The following TAF1 variants were observed in gnomAD, a reference collection of about 807,000 sequenced individuals.
The protein encoded by TAF1 is transcription initiation factor TFIID subunit 1.
Under a neutral mutation model 138.5 loss-of-function variants are expected in TAF1, and 2 were observed. That is an observed-to-expected ratio of 0.01 (90% CI 0.01 to 0.05). TAF1 has a LOEUF of 0.05. Among genes scored for constraint, TAF1 ranks in the 10% least tolerant of loss-of-function variants. The pLI is 1.00. For missense variants in TAF1, 709 were observed against 1,478.0 expected (o/e 0.48, Z 8.53); for synonymous variants, 437 against 503.2 (o/e 0.87, Z 1.76).
rs186890471 is a variant in TAF1 at position 71,486,621 on chromosome X, A to T, written c.1366+25818A>T. 2.6e-3 allele frequency among the ~76,000 whole-genome samples: 275 copies of T among 106,990 alleles called. 1 individual carries two copies. Among genetic ancestry groups the T allele is most frequent in the Middle Eastern group, 0.024 (5 of 211 alleles). 92.9% of individuals were successfully genotyped at this position (106,990 alleles called of 115,157 possible). A position where few individuals can be genotyped will look rare whatever the true frequency, so the allele number is the denominator to read the frequency against. ...TGCCTTAGCCTTCCAAAGTGCTGGG[A>T]TTACCGGCGTGAGCCATCAAGCTTG... On this transcript the variant is annotated intron_variant and NMD_transcript_variant, in intron 13 of 14. Transcript: ENST00000373775.
chrX:71,468,538 T>C (rs1007608493), downstream of TAF1, among the ~76,000 whole-genome samples: 7 of 107,394 alleles, frequency 6.5e-5, no homozygotes, highest in South Asian at 8.4e-4. Context: ...ATACAAAAAT[T>C]AGCTGGGCGT....
At chrX:71,379,818 T>C (rs908036738) in intron 8 of TAF1, among the ~76,000 whole-genome samples, 1 of 110,060 alleles carries the variant, frequency 9.1e-6, no homozygotes, top group African/African-American at 3.3e-5. Flanking sequence ...GTCAGGCTGG[T>C]CTCGAACTCC....
chrX:71,468,376 A>T (rs1602780569), downstream of TAF1, among the ~76,000 whole-genome samples: 1 of 111,440 alleles, frequency 9.0e-6, no homozygotes, highest in African/African-American at 3.3e-5. Context: ...TCAAAGCATT[A>T]TATTTTTAAT....
At chrX:71,402,232 C>G (rs143886968) in intron 25 of TAF1, among the ~76,000 whole-genome samples, 1 of 111,753 alleles carries the variant, frequency 8.9e-6, no homozygotes, top group African/African-American at 3.3e-5. Context: ...CTCAGCCTCC[C>G]GAGTAGCTGG....
At chrX:71,476,943 C>CT (rs771577678) in intron 13 of TAF1, among the ~76,000 whole-genome samples, 2,823 of 102,561 alleles carry the variant, frequency 0.028, 117 homozygotes, top group African/African-American at 0.093. Context: ...AAATTTTAGA[C>CT]TTTTTTTTTT....
At chrX:71,395,891 C>T (rs1044146260) in intron 22 of TAF1, among the ~76,000 whole-genome samples, 1 of 111,101 alleles carries the variant, frequency 9.0e-6, no homozygotes, top group South Asian at 3.8e-4. Flanking sequence ...GGTGTGGTGG[C>T]TCACACCTGT....
intron 13 of TAF1, among the ~76,000 whole-genome samples, chrX:71,519,273 T>A (rs1418964938): frequency 1.1e-5 from 1 of 95,213 alleles, no homozygotes; most frequent in African/African-American, 3.9e-5. Context: ...AGTGAGCCGG[T>A]GATCAAGCCA....
chrX:71,461,276 G>A (rs2038540724), intron 37 of TAF1, among the ~76,000 whole-genome samples: 2 of 111,784 alleles, frequency 1.8e-5, no homozygotes, highest in Admixed American at 1.9e-4. Context: ...AGAGCAAATG[G>A]AAGTTGTTGG....
At chrX:71,429,139 G>C (rs2036748160) in intron 32 of TAF1, among the ~76,000 whole-genome samples, 1 of 110,540 alleles carries the variant, frequency 9.0e-6, no homozygotes, top group Non-Finnish European at 1.9e-5. Flanking sequence ...GCCGGGCGTG[G>C]TGGCGGGCGC....
chrX:71,387,306 A>T lies in TAF1; in HGVS notation c.2272A>T (p.Met758Leu). 8.3e-7 allele frequency: 1 copy of T among 1,212,044 alleles called. No individual in the cohort carries two copies. The highest frequency in any genetic ancestry group is 1.7e-5 in the African/African-American group (1 of 57,869). ...LFRAPIYLHKMPETDFLIIRT... is the reference protein window; with the variant it reads ...LFRAPIYLHKLPETDFLIIRT... ...TCGTGCTCCAATTTATCTTCATAAGATGCCAGAAACTGATTTCTTGATCAT... is the reference window on the plus strand; with the variant it reads ...TCGTGCTCCAATTTATCTTCATAAGTTGCCAGAAACTGATTTCTTGATCAT... Residue 758 changes from methionine (M) to leucine (L), a missense_variant, in exon 15 of 38, where the codon ATG becomes TTG. Physicochemically the swap from Met to Leu is conservative, Grantham distance 15. Around this residue, in one of 14 missense-constraint regions of TAF1, gnomAD observed 201 missense variants for 421.3 expected, o/e 0.48. Coordinates refer to ENST00000423759, the MANE Select transcript of TAF1 (RefSeq NM_004606.5).
At chrX:71,441,085 G>A (rs757068960) in intron 32 of TAF1, among the ~76,000 whole-genome samples, 5 of 110,550 alleles carry the variant, frequency 4.5e-5, no homozygotes, top group Non-Finnish European at 9.4e-5. Flanking sequence ...ATTTTTAATA[G>A]AGACAGGGTT....
At chrX:71,485,359 C>T (rs1365341766) in intron 13 of TAF1, among the ~76,000 whole-genome samples, 4 of 111,866 alleles carry the variant, frequency 3.6e-5, no homozygotes, top group African/African-American at 3.3e-5. Flanking sequence ...CGTGGAATTA[C>T]GGAGTCATAT....
intron 37 of TAF1, 110 bp downstream of exon 37, chrX:71,460,913 C>T (rs1459212280): frequency 9.5e-7 from 1 of 1,052,364 alleles, no homozygotes; most frequent in Non-Finnish European, 1.3e-6. Context: ...TGGGCACCTA[C>T]TAGGGCCAGG....
chrX:71,508,606 G>GAA (rs1298001093), intron 13 of TAF1, among the ~76,000 whole-genome samples: 5 of 38,446 alleles, frequency 1.3e-4, no homozygotes, highest in Non-Finnish European at 1.4e-4. Flanking sequence ...CCCTGTCTCT[G>GAA]AAAAAAAAAA....
At chrX:71,427,879 C>T (rs1353331998) in intron 32 of TAF1, among the ~76,000 whole-genome samples, 3 of 96,403 alleles carry the variant, frequency 3.1e-5, no homozygotes, top group African/African-American at 1.2e-4. Flanking sequence ...GTAGAGGTTG[C>T]GGTGAGCCGA....
At chrX:71,419,329 C>T (rs1383981110) in intron 28 of TAF1, among the ~76,000 whole-genome samples, 1 of 109,833 alleles carries the variant, frequency 9.1e-6, no homozygotes, top group African/African-American at 3.3e-5. Context: ...CTCCCACCTC[C>T]CTGTTCCCAC....
At chrX:71,385,888 T>G (rs1490736975) in intron 14 of TAF1, among the ~76,000 whole-genome samples, 1 of 111,774 alleles carries the variant, frequency 8.9e-6, no homozygotes, top group Non-Finnish European at 1.9e-5. Context: ...TGGCCGAGCG[T>G]GGTGGCTCAC....
chrX:71,377,218 T>C, intron 5 of TAF1, 27 bp downstream of exon 5: 1 of 1,207,827 alleles, frequency 8.3e-7, no homozygotes. Flanking sequence ...ATGCTCAGAT[T>C]GCAAACCACT....
rs1331476085 is a variant in TAF1, at chrX:71,393,803, G to T, written c.3228-264G>T. ...TTTTCTAAAGGTTTAGTTGTGAGAG[G>T]ATGTTAATACACTATTAAAAATGAC... On this transcript the variant is annotated intron_variant, in intron 21 of 37. Transcript: ENST00000423759. Among the ~76,000 whole-genome samples the T allele has an allele frequency of 1.1e-4, 12 of 111,769 alleles. No individual in the cohort carries two copies. The East Asian group carries it at 2.5e-3, about 24-fold the overall frequency.
Sources: allele counts gnomAD v4.1 joint callset (sites outside exome capture counted in the v4.1 genomes callset), GRCh38; gene constraint gnomAD v4.1.1; regional missense constraint gnomAD v4.1.1; transcripts MANE v1.5; gene names NCBI Gene and HGNC (gene_info 2026-07-23, HGNC 2026-07-21).